Variants in MACF1 observed in about 807,000 individuals in gnomAD.
MACF1 encodes the protein microtubule-actin cross-linking factor 1.
MACF1 carries 193 observed loss-of-function variants against 854.8 expected under a neutral mutation model. That is an observed-to-expected ratio of 0.23 (90% CI 0.20 to 0.25). The LOEUF (loss-of-function observed/expected upper bound fraction) is 0.25, where lower values mean the gene tolerates loss of function less well. Ranked by LOEUF, MACF1 falls within the 10% of genes least tolerant of loss-of-function variation. MACF1 has a pLI of 1.00. For missense variants in MACF1, 7,722 were observed against 8,929.1 expected (o/e 0.86, Z 5.45); for synonymous variants, 3,185 against 3,226.7 (o/e 0.99, Z 0.44).
rs1459677303 is a variant in MACF1 at position 39,441,315 on chromosome 1, A to G, written c.18662A>G (p.Asp6221Gly). 6.2e-7 allele frequency: 1 copy of G among 1,613,828 alleles called. No individual in the cohort carries two copies. The highest frequency in any genetic ancestry group is 8.5e-7 in the Non-Finnish European group (1 of 1,179,748). The change falls in exon 74 of 101, where the codon GAC becomes GGC. Residue 6221 changes from aspartate (D) to glycine (G), a missense_variant. Physicochemically the swap from Asp to Gly is moderately conservative, Grantham distance 94. Transcript: ENST00000564288. ...ATGCAAGCTGCTGTGCAGTATCAGG[A>G]CACTCTTCAGGTGAGAGGCCAGGAG... ...DAMQAAVQYQDTLQAMFDWLD... is the reference protein window; with the variant it reads ...DAMQAAVQYQGTLQAMFDWLD...
At chr1:39,228,079 C>T (rs1442675153) in intron 1 of MACF1, among the ~76,000 whole-genome samples, 12 of 152,092 alleles carry the variant, frequency 7.9e-5, no homozygotes, top group Admixed American at 5.9e-4. Context: ...GGGAGGCCAA[C>T]GCGGGTGGAT....
At chr1:39,115,846 G>T (rs1337593954) in intron 2 of MACF1, among the ~76,000 whole-genome samples, 1 of 152,218 alleles carries the variant, frequency 6.6e-6, no homozygotes, top group Admixed American at 6.5e-5. Flanking sequence ...GAACAGGAGA[G>T]AAGTGAGTTT....
intron 84 of MACF1, among the ~76,000 whole-genome samples, chr1:39,450,032 T>G (rs1278151921): frequency 1.3e-5 from 2 of 151,962 alleles, no homozygotes; most frequent in South Asian, 2.1e-4. Flanking sequence ...GCTAATTTTT[T>G]TTAATATTTT....
chr1:39,420,210 A>G (rs186063433), intron 58 of MACF1, among the ~76,000 whole-genome samples: 153 of 152,294 alleles, frequency 1.0e-3, no homozygotes, highest in African/African-American at 3.5e-3. Context: ...TTGTAGAGTG[A>G]GATAGGATTT....
At chr1:39,362,452 C>T (rs777358747) in intron 49 of MACF1, among the ~76,000 whole-genome samples, 1 of 152,134 alleles carries the variant, frequency 6.6e-6, no homozygotes, top group Non-Finnish European at 1.5e-5. Context: ...TACTCTTCAC[C>T]TAGATTCACC....
chr1:39,393,202 T>A lies in MACF1; in HGVS notation c.15816+4544T>A, dbSNP rs1450288286. On this transcript the variant is annotated intron_variant, in intron 58 of 100. Transcript: ENST00000564288. Reference sequence around the variant, plus strand: ...AGGGTAAAAAAAAAAAAAAAATATATATATATATATATATATATATATGTT... The same window carrying A: ...AGGGTAAAAAAAAAAAAAAAATATAAATATATATATATATATATATATGTT... 2.9e-3 allele frequency among the ~76,000 whole-genome samples: 360 copies of A among 124,880 alleles called. 5 individuals are homozygous for A. Among genetic ancestry groups the A allele is most frequent in the African/African-American group, 9.3e-3 (286 of 30,902 alleles). The allele number at this position is 124,880 out of a possible 152,430, so 81.9% of individuals were successfully genotyped here. A position where few individuals can be genotyped will look rare whatever the true frequency, so the allele number is the denominator to read the frequency against.
intron 36 of MACF1, chr1:39,328,583 T>C (rs1372975125): frequency 2.0e-5 from 3 of 152,294 alleles, no homozygotes; most frequent in East Asian, 3.9e-4. Flanking sequence ...TGGGGTTCTT[T>C]TTTGCAAAAA....
At chr1:39,269,103 T>C in intron 6 of MACF1, 1 of 1,289,826 alleles carries the variant, frequency 7.8e-7, no homozygotes, top group Non-Finnish European at 1.0e-6. Flanking sequence ...GGTCTGGGAT[T>C]CCCTGGAAGA....
chr1:39,112,604 G>A (rs1050689348), intron 2 of MACF1, among the ~76,000 whole-genome samples: 5 of 152,026 alleles, frequency 3.3e-5, no homozygotes, highest in Non-Finnish European at 1.5e-5. Context: ...CTTGAACCTG[G>A]GAGACAGAGG....
At chr1:39,143,837 C>T (rs952261555) in intron 2 of MACF1, among the ~76,000 whole-genome samples, 71 of 151,962 alleles carry the variant, frequency 4.7e-4, no homozygotes, top group African/African-American at 3.6e-4. Flanking sequence ...TGCAGTGGCG[C>T]GATCTTCACT....
intron 78 of MACF1, among the ~76,000 whole-genome samples, chr1:39,443,211 T>C (rs146756949): frequency 9.0e-4 from 137 of 152,320 alleles, no homozygotes; most frequent in African/African-American, 3.0e-3. Context: ...CCTTAATCAA[T>C]AGTCAATTCA....
chr1:39,284,077 C>T lies in MACF1; in HGVS notation c.927C>T (p.Ser309=). 1.2e-6 allele frequency: 2 copies of T among 1,613,962 alleles called. No individual in the cohort carries two copies. Among genetic ancestry groups the T allele is most frequent in the Non-Finnish European group, 1.7e-6 (2 of 1,179,924 alleles). ...CCTTCTGGCAATAGGAAGTGGACTC[C>T]AGGTGGCAAGAATACCAAAGCCGAG... ...GEGISATEVD[S]RWQEYQSRVD... is the part of the protein sequence containing the mutation. The change falls in exon 10 of 101, where the codon TCC becomes TCT. Residue 309 remains serine (S), a synonymous_variant. Transcript: ENST00000564288.
chr1:39,310,503 A>G (rs1646278499), intron 25 of MACF1, 75 bp downstream of exon 25: 1 of 1,460,426 alleles, frequency 6.8e-7, no homozygotes, highest in Non-Finnish European at 9.2e-7. Context: ...AACCCTTCAT[A>G]TAAATGAGAG....
At chr1:39,233,435 G>A (rs914724663) in intron 2 of MACF1, among the ~76,000 whole-genome samples, 1 of 152,274 alleles carries the variant, frequency 6.6e-6, no homozygotes, top group South Asian at 2.1e-4. Context: ...CTACGAGTGA[G>A]CCATGGCGGC....
At chr1:39,100,317 A>C (rs1375175700) in intron 2 of MACF1, among the ~76,000 whole-genome samples, 1 of 152,216 alleles carries the variant, frequency 6.6e-6, no homozygotes, top group Non-Finnish European at 1.5e-5. Context: ...GGGATGGGAC[A>C]TTCTAGGCAA....
chr1:39,390,500 C>T lies in MACF1; in HGVS notation c.15816+1842C>T, dbSNP rs115379002. On this transcript the variant is annotated intron_variant, in intron 58 of 100. Coordinates refer to ENST00000564288, the MANE Select transcript of MACF1 (RefSeq NM_001394062.1). ...TGTTTGGAGATAGTACAATTTTGAGCAAGAGGAGTCATCGTATTTGGGTTT... is the reference window on the plus strand; with the variant it reads ...TGTTTGGAGATAGTACAATTTTGAGTAAGAGGAGTCATCGTATTTGGGTTT... Among the ~76,000 whole-genome samples, 767 of 152,256 alleles carry T rather than the reference C, an allele frequency of 5.0e-3. 3 individuals carry two copies. Among genetic ancestry groups the T allele is most frequent in the Non-Finnish European group, 8.6e-3 (583 of 68,018 alleles).
intron 6 of MACF1, among the ~76,000 whole-genome samples, chr1:39,262,358 G>A (rs1392192995): frequency 1.7e-5 from 2 of 119,098 alleles, no homozygotes; most frequent in Admixed American, 1.3e-4. Flanking sequence ...CTGAAATTGT[G>A]CCACTGCACT....
chr1:39,138,582 C>T (rs564129942), intron 2 of MACF1, among the ~76,000 whole-genome samples: 1 of 149,760 alleles, frequency 6.7e-6, no homozygotes, highest in South Asian at 2.1e-4. Context: ...GAGACTCTGT[C>T]TCAAAAAAAA....
At chr1:39,261,676 A>G (rs1211472033) in intron 6 of MACF1, among the ~76,000 whole-genome samples, 2 of 152,186 alleles carry the variant, frequency 1.3e-5, no homozygotes, top group Non-Finnish European at 2.9e-5. Flanking sequence ...TTGTATGGAT[A>G]TATCATGTAT....
Sources: allele counts gnomAD v4.1 joint callset (sites outside exome capture counted in the v4.1 genomes callset), GRCh38; gene constraint gnomAD v4.1.1; transcripts MANE v1.5; gene names NCBI Gene and HGNC (gene_info 2026-07-23, HGNC 2026-07-21).